MTMR10: variants seen among roughly 807,000 people sequenced by gnomAD.
MTMR10 encodes myotubularin-related protein 10.
Under a neutral mutation model 88.1 loss-of-function variants are expected in MTMR10, and 56 were observed. The observed-to-expected ratio is 0.64, with a 90% CI of 0.51 to 0.79. MTMR10 has a LOEUF of 0.79. Among genes scored for constraint, MTMR10 ranks in the 30% least tolerant of loss-of-function variants. MTMR10 has a pLI of 0.00. For synonymous variants in MTMR10, 380 were observed against 340.9 expected (o/e 1.11, Z -1.26); for missense variants, 883 against 924.7 (o/e 0.95, Z 0.58).
At chr15:30,964,210 A>C (rs1247295319) in intron 6 of MTMR10, among the ~76,000 whole-genome samples, 1 of 152,258 alleles carries the variant, frequency 6.6e-6, no homozygotes, top group Non-Finnish European at 1.5e-5. Flanking sequence ...CCACCAAAAA[A>C]GAATTATAAA....
At chr15:30,947,506 C>T (rs2063188166) in intron 13 of MTMR10, among the ~76,000 whole-genome samples, 1 of 152,178 alleles carries the variant, frequency 6.6e-6, no homozygotes, top group African/African-American at 2.4e-5. Flanking sequence ...CCCTTATTTG[C>T]CCAGTACATG....
intron 10 of MTMR10, among the ~76,000 whole-genome samples, chr15:30,954,382 T>C (rs1053868262): frequency 5.3e-5 from 8 of 152,224 alleles, no homozygotes; most frequent in African/African-American, 1.7e-4. Flanking sequence ...GCTACAGATA[T>C]AACACAGCTG....
intron 9 of MTMR10, among the ~76,000 whole-genome samples, chr15:30,955,812 G>GC (rs2063319373): frequency 6.6e-6 from 1 of 152,108 alleles, no homozygotes; most frequent in Non-Finnish European, 1.5e-5. Context: ...AGGATAAACT[G>GC]CAAGTACAGA....
At chr15:30,961,240 C>CTTT (rs879764694) in intron 6 of MTMR10, among the ~76,000 whole-genome samples, 167 bp from the exon 7 acceptor site, 3 of 146,096 alleles carry the variant, frequency 2.1e-5, no homozygotes, top group Non-Finnish European at 4.5e-5. Context: ...AAAATAACTC[C>CTTT]TTTTTTTTTT....
At position 30,940,046 on chromosome 15, in the gene MTMR10, T is replaced by C. The variant is rs1447871706; in HGVS notation, c.*1424A>G. ...TACATATAAAGGTAAAATACAGTTA[T>C]CTTGAAAACACTTGTTTTAGAAAAG... is the stretch of plus-strand genomic sequence containing the variant. On this transcript the variant is annotated 3_prime_UTR_variant, in exon 16 of 16. Coordinates refer to ENST00000435680, the MANE Select transcript of MTMR10 (RefSeq NM_017762.3). 2.0e-6 allele frequency: 2 copies of C among 979,398 alleles called. No homozygotes were observed. The highest frequency in any genetic ancestry group is 2.4e-6 in the Non-Finnish European group (2 of 824,486). The allele number at this position is 979,398 out of a possible 1,614,324, so 60.7% of individuals were successfully genotyped here.
At chr15:30,976,203 C>A (rs781708112) in intron 3 of MTMR10, among the ~76,000 whole-genome samples, 3 of 151,386 alleles carry the variant, frequency 2.0e-5, no homozygotes, top group Non-Finnish European at 2.9e-5. Context: ...AAGTTCAAGA[C>A]CAATCCGGGC....
At chr15:30,927,245 G>T in the MTMR10 span, 1 of 985,530 alleles carries the variant, frequency 1.0e-6, no homozygotes, top group South Asian at 4.7e-5. Context: ...AAATGATCTG[G>T]CCTTTATATT....
intron 9 of MTMR10, 134 bp from the exon 10 acceptor site, chr15:30,955,027 T>C (rs2141012520): frequency 1.4e-6 from 1 of 718,312 alleles, no homozygotes; most frequent in East Asian, 3.3e-5. Context: ...TTTACTTTTT[T>C]TTTTTTAAGA....
At chr15:30,967,771 CT>C in intron 6 of MTMR10, 148 bp downstream of exon 6, 1 of 576,458 alleles carries the variant, frequency 1.7e-6, no homozygotes, top group Non-Finnish European at 2.9e-6. Flanking sequence ...ACTATTGGCT[CT>C]TTTAGCATGT....
intron 9 of MTMR10, among the ~76,000 whole-genome samples, chr15:30,955,972 T>G (rs1025494525): frequency 3.5e-5 from 5 of 142,952 alleles, no homozygotes; most frequent in Non-Finnish European, 6.0e-5. Context: ...CCACACCACT[T>G]TAAAAAAACA....
At chr15:30,954,630 A>C (rs550042657) in intron 10 of MTMR10, 133 bp downstream of exon 10, 2 of 944,444 alleles carry the variant, frequency 2.1e-6, no homozygotes, top group South Asian at 5.7e-5. Flanking sequence ...AATAATATAT[A>C]ATTTGTACAA....
chr15:30,952,637 G>A (rs551821755), intron 11 of MTMR10, among the ~76,000 whole-genome samples: 97 of 152,020 alleles, frequency 6.4e-4, no homozygotes, highest in African/African-American at 2.2e-3. Context: ...AGGACAGCAG[G>A]CACATGCCAC....
rs1039302976 is a variant in MTMR10 at position 30,941,438 on chromosome 15, C to G, written c.*32G>C. 45 of 1,573,280 alleles carry G rather than the reference C, an allele frequency of 2.9e-5. No homozygotes were observed. The highest frequency in any genetic ancestry group is 3.6e-5 in the Non-Finnish European group (42 of 1,161,878). ...TAATTCAGAGGAAAAAAGTTGACAG[C>G]TTCCCTCAAAATGTTCAGAAAACAC... On this transcript the variant is annotated 3_prime_UTR_variant, in exon 16 of 16. Coordinates refer to ENST00000435680, the MANE Select transcript of MTMR10 (RefSeq NM_017762.3).
the MTMR10 span, chr15:30,925,639 G>A: frequency 6.0e-5 from 54 of 901,846 alleles, no homozygotes; most frequent in Non-Finnish European, 8.6e-5. Flanking sequence ...TCACATCCCC[G>A]CAGTTCTGCG....
At chr15:30,990,881 C>A (rs376284094) in intron 1 of MTMR10, 44 bp from the exon 2 acceptor site, 252 of 1,499,006 alleles carry the variant, frequency 1.7e-4, no homozygotes, top group Non-Finnish European at 2.0e-4. Context: ...AATCCCCCCA[C>A]CCTCCGTAAA....
At chr15:30,944,503 T>C (rs1477282562) in intron 14 of MTMR10, among the ~76,000 whole-genome samples, 2 of 150,918 alleles carry the variant, frequency 1.3e-5, no homozygotes, top group Non-Finnish European at 2.9e-5. Flanking sequence ...AAGGCAGAGG[T>C]TGCAGTGAGC....
chr15:30,938,943 C>A lies in MTMR10; in HGVS notation c.*2527G>T. On this transcript the variant is annotated 3_prime_UTR_variant, in exon 16 of 16. Transcript: ENST00000435680. Reference sequence around the variant, plus strand: ...ATGATTTCATACTGACAACAACAAACAGTCGCTGTGGAATTTTATTAAGCC... The same window carrying A: ...ATGATTTCATACTGACAACAACAAAAAGTCGCTGTGGAATTTTATTAAGCC... 5.1e-6 allele frequency: 5 copies of A among 985,394 alleles called. No homozygotes were observed. Among genetic ancestry groups the A allele is most frequent in the Non-Finnish European group, 6.0e-6 (5 of 829,916 alleles). The allele number at this position is 985,394 out of a possible 1,614,324, so 61.0% of individuals were successfully genotyped here.
At chr15:30,954,105 C>G (rs2063287989) in intron 10 of MTMR10, among the ~76,000 whole-genome samples, 2 of 152,202 alleles carry the variant, frequency 1.3e-5, no homozygotes, top group Admixed American at 1.3e-4. Context: ...GGCATCCTCA[C>G]TGCCCTGCCC....
the MTMR10 span, among the ~76,000 whole-genome samples, chr15:30,919,183 C>T: frequency 6.6e-6 from 1 of 151,674 alleles, no homozygotes; most frequent in Non-Finnish European, 1.5e-5. Context: ...GAGTCTGAGA[C>T]CAGCCTGACC....
Sources: allele counts gnomAD v4.1 joint callset (sites outside exome capture counted in the v4.1 genomes callset), GRCh38; gene constraint gnomAD v4.1.1; transcripts MANE v1.5; gene names NCBI Gene and HGNC (gene_info 2026-07-23, HGNC 2026-07-21).